CRY1: variants seen among roughly 807,000 people sequenced by gnomAD.
CRY1 encodes the protein cryptochrome circadian regulator 1.
A neutral mutation model predicts 76.0 loss-of-function variants in CRY1; 45 were observed. The ratio of observed to expected loss-of-function variants is 0.59; its 90% confidence interval spans 0.47 to 0.76. The LOEUF is 0.76. Among genes scored for constraint, CRY1 ranks in the 30% least tolerant of loss-of-function variants. CRY1 has a pLI of 0.00. For missense variants in CRY1, 587 were observed against 716.4 expected, an observed-to-expected ratio of 0.82 and a Z score of 2.06; for synonymous variants, 248 against 244.0, an observed-to-expected ratio of 1.02 and a Z score of -0.15.
intron 1 of CRY1, among the ~76,000 whole-genome samples, chr12:107,054,489 A>C (rs975118544): frequency 1.8e-4 from 27 of 151,872 alleles, no homozygotes; most frequent in African/African-American, 6.5e-4. Context: ...GACAAAAAGA[A>C]AACACAAAAT....
intron 1 of CRY1, among the ~76,000 whole-genome samples, chr12:107,040,260 T>A (rs912226434): frequency 6.7e-6 from 1 of 148,268 alleles, no homozygotes. Flanking sequence ...GAGAGATGAA[T>A]ACTTTCTTTC....
At chr12:107,058,842 G>C (rs573535459) in intron 1 of CRY1, among the ~76,000 whole-genome samples, 1 of 152,278 alleles carries the variant, frequency 6.6e-6, no homozygotes, top group Admixed American at 6.5e-5. Context: ...CTATCATGAG[G>C]CTTTCTGTAC....
chr12:107,061,667 C>T (rs1436098439), intron 1 of CRY1, among the ~76,000 whole-genome samples: 2 of 152,152 alleles, frequency 1.3e-5, no homozygotes, highest in Non-Finnish European at 1.5e-5. Context: ...CAGGCATGAG[C>T]CACTGCGCCC....
Position 106,997,517 on chromosome 12 carries a change from T to C in CRY1, c.1463A>G (p.Tyr488Cys). ...RLNIERMKQIYQQLSRYRGLG... is the reference protein window; with the variant it reads ...RLNIERMKQICQQLSRYRGLG... ...TCCTCTATATCGTGAAAGCTGCTGA[T>C]AGATCTGTTTCATCCTTTCGATATT... Residue 488 changes from tyrosine (Y) to cysteine (C), a missense_variant, in exon 9 of 13, where the codon TAT becomes TGT. Physicochemically the swap from Tyr to Cys is radical, Grantham distance 194 (BLOSUM62 -2). Transcript: ENST00000008527. 6.2e-7 allele frequency: 1 copy of C among 1,614,090 alleles called. No individual in the cohort carries two copies.
rs1426775028 is a variant in CRY1, at chr12:107,053,489, TG to T, written c.159-31298del. ...GTGCCACCACACCCGACAAATTTTT[TG>T]TATTTTTAGTAGAGAGGGGGTTTCT... is the stretch of plus-strand genomic sequence containing the variant. On this transcript the variant is annotated intron_variant, in intron 1 of 12. Coordinates refer to ENST00000008527, the MANE Select transcript of CRY1 (RefSeq NM_004075.5). 1.4e-4 allele frequency among the ~76,000 whole-genome samples: 22 copies of T among 152,290 alleles called. No homozygotes were observed. In the South Asian group the frequency reaches 4.4e-3, roughly 30 times the overall value.
chr12:107,040,363 T>G (rs1230290446), intron 1 of CRY1, among the ~76,000 whole-genome samples: 1 of 146,092 alleles, frequency 6.8e-6, no homozygotes, highest in Non-Finnish European at 1.5e-5. Flanking sequence ...CTCGGCTCAC[T>G]GCAACCTCTG....
intron 2 of CRY1, among the ~76,000 whole-genome samples, chr12:107,008,691 G>A (rs1952401481): frequency 6.6e-6 from 1 of 152,098 alleles, no homozygotes; most frequent in Non-Finnish European, 1.5e-5. Context: ...GTTTGGCTGT[G>A]TCCCCACCCA....
intron 1 of CRY1, among the ~76,000 whole-genome samples, chr12:107,055,293 A>G (rs190705141): frequency 2.4e-4 from 36 of 152,248 alleles, no homozygotes; most frequent in African/African-American, 7.0e-4. Flanking sequence ...AACAAAGGAT[A>G]TAATTCTAAA....
At chr12:106,995,164 C>G (rs933278709) in intron 10 of CRY1, among the ~76,000 whole-genome samples, 8 of 151,942 alleles carry the variant, frequency 5.3e-5, no homozygotes, top group Non-Finnish European at 7.4e-5. Flanking sequence ...GGATTATTTC[C>G]CCAAATATAA....
intron 2 of CRY1, among the ~76,000 whole-genome samples, chr12:107,013,706 G>A (rs1952468877): frequency 6.6e-6 from 1 of 152,104 alleles, no homozygotes; most frequent in Non-Finnish European, 1.5e-5. Flanking sequence ...TGGCTTCTGA[G>A]CACTGAAATG....
At chr12:107,048,375 C>T (rs1321146425) in intron 1 of CRY1, among the ~76,000 whole-genome samples, 1 of 152,192 alleles carries the variant, frequency 6.6e-6, no homozygotes, top group Non-Finnish European at 1.5e-5. Context: ...CTACTGTGCC[C>T]AGCCATTCAT....
intron 2 of CRY1, among the ~76,000 whole-genome samples, chr12:107,011,538 T>G (rs1036055737): frequency 3.3e-5 from 5 of 152,032 alleles, no homozygotes; most frequent in African/African-American, 9.7e-5. Flanking sequence ...GGAGAAAACT[T>G]TAGGGGTCTG....
chr12:107,079,867 A>G (rs1953301974), intron 1 of CRY1, among the ~76,000 whole-genome samples: 1 of 152,154 alleles, frequency 6.6e-6, no homozygotes, highest in South Asian at 2.1e-4. Context: ...AATGTCATTA[A>G]AAGGTTTTAA....
chr12:107,044,073 C>T (rs948026715), intron 1 of CRY1, among the ~76,000 whole-genome samples: 9 of 152,066 alleles, frequency 5.9e-5, no homozygotes, highest in African/African-American at 1.9e-4. Context: ...TATGGACAAC[C>T]GGTATCCAAC....
At chr12:107,061,217 T>C (rs776442991) in intron 1 of CRY1, among the ~76,000 whole-genome samples, 2 of 152,094 alleles carry the variant, frequency 1.3e-5, no homozygotes, top group Non-Finnish European at 2.9e-5. Context: ...ATAATAACAA[T>C]GATCGTTTTC....
intron 1 of CRY1, among the ~76,000 whole-genome samples, chr12:107,027,902 T>G (rs1163984780): frequency 6.6e-6 from 1 of 152,182 alleles, no homozygotes; most frequent in African/African-American, 2.4e-5. Context: ...ATCCTATTGC[T>G]GCTGAACACA....
intron 1 of CRY1, among the ~76,000 whole-genome samples, chr12:107,084,432 T>C (rs538525418): frequency 3.3e-5 from 5 of 152,048 alleles, no homozygotes; most frequent in Non-Finnish European, 7.4e-5. Flanking sequence ...CTTCAAACTA[T>C]ACTACAAGGC....
intron 2 of CRY1, among the ~76,000 whole-genome samples, chr12:107,005,981 C>G (rs1206580767): frequency 6.6e-6 from 1 of 151,768 alleles, no homozygotes; most frequent in African/African-American, 2.4e-5. Context: ...TCTGATTTAT[C>G]TCATAAAGAA....
rs1210997609 is a variant in CRY1, at chr12:106,999,683, T to C, written c.1005A>G (p.Thr335=). 2.5e-6 allele frequency: 4 copies of C among 1,614,274 alleles called. No homozygotes were observed. Among genetic ancestry groups the C allele is most frequent in the South Asian group, 1.1e-5 (1 of 91,088 alleles). The change falls in exon 7 of 13, where the codon ACA becomes ACG. Residue 335 remains threonine, a synonymous_variant. Transcript: ENST00000008527. ...EALAKWAEGR[T]GFPWIDAIMT... ...TGATGGCATCAATCCATGGAAAGCC[T>C]GTCCGGCCTTCCGCCCATTTGGCTA...
Sources: allele counts gnomAD v4.1 joint callset (sites outside exome capture counted in the v4.1 genomes callset), GRCh38; gene constraint gnomAD v4.1.1; transcripts MANE v1.5; gene names NCBI Gene and HGNC (gene_info 2026-07-23, HGNC 2026-07-21).